Variants in CATSPERB observed in about 807,000 individuals in gnomAD.
CATSPERB encodes the protein cation channel sperm-associated auxiliary subunit beta.
Under a neutral mutation model 128.3 loss-of-function variants are expected in CATSPERB, and 93 were observed. That is an observed-to-expected ratio of 0.72 (90% CI 0.61 to 0.86). The LOEUF (loss-of-function observed/expected upper bound fraction) is 0.86. CATSPERB is among the 40% of genes least tolerant of loss of function. The probability of loss-of-function intolerance (pLI) is 0.00; values close to 1 mark genes in which losing one functional copy is unlikely to be tolerated. For missense variants in CATSPERB, 1,153 were observed against 1,329.5 expected, an observed-to-expected ratio of 0.87 and a Z score of 2.06; for synonymous variants, 381 against 448.8, an observed-to-expected ratio of 0.85 and a Z score of 1.91.
chr14:91,659,708 T>A, intron 15 of CATSPERB, 129 bp downstream of exon 15: 1 of 821,572 alleles, frequency 1.2e-6, no homozygotes, highest in Non-Finnish European at 1.8e-6. Context: ...CTTCTGTAGA[T>A]CCTACAAATC....
chr14:91,591,849 A>C (rs1481227845), intron 23 of CATSPERB, 43 bp downstream of exon 23: 1 of 1,320,794 alleles, frequency 7.6e-7, no homozygotes, highest in Non-Finnish European at 1.1e-6. Context: ...AATCTTGTTA[A>C]TAAGAAAGTA....
intron 5 of CATSPERB, among the ~76,000 whole-genome samples, chr14:91,710,931 T>C (rs1363064963): frequency 6.6e-6 from 1 of 152,220 alleles, no homozygotes; most frequent in Non-Finnish European, 1.5e-5. Context: ...ACCTCATTAT[T>C]GTAGAGTTGA....
At chr14:91,618,842 G>C (rs1403725786) in intron 19 of CATSPERB, among the ~76,000 whole-genome samples, 1 of 152,156 alleles carries the variant, frequency 6.6e-6, no homozygotes, top group East Asian at 1.9e-4. Flanking sequence ...GTGCTTCCTA[G>C]CCTTTACCCG....
intron 6 of CATSPERB, among the ~76,000 whole-genome samples, chr14:91,707,766 CTTTTT>C (rs76649759): frequency 7.8e-6 from 1 of 128,036 alleles, no homozygotes; most frequent in South Asian, 2.5e-4. Context: ...GCCTGGTTAA[CTTTTT>C]TTTTTTTTTT....
intron 10 of CATSPERB, among the ~76,000 whole-genome samples, chr14:91,685,990 GCCA>G (rs1196463280): frequency 6.6e-6 from 1 of 152,116 alleles, no homozygotes; most frequent in Non-Finnish European, 1.5e-5. Context: ...TTTATCTCAT[GCCA>G]AATCCCTAAT....
chr14:91,722,900 T>C (rs1006992927), intron 4 of CATSPERB, 149 bp downstream of exon 4: 1 of 490,396 alleles, frequency 2.0e-6, no homozygotes, highest in Admixed American at 4.3e-5. Context: ...TATGACTGTT[T>C]AAAGCAAAAA....
chr14:91,591,991 T>A lies in CATSPERB; in HGVS notation c.2721A>T (p.Lys907Asn). The A allele has an allele frequency of 6.2e-7, 1 of 1,612,484 alleles. No homozygotes were observed. The highest frequency in any genetic ancestry group is 8.5e-7 in the Non-Finnish European group (1 of 1,178,656). Reference protein sequence around the residue: ...NMFHMSKKTGKFKQCANVSTR... With the variant: ...NMFHMSKKTGNFKQCANVSTR... ...TGGAAACATTAGCACACTGTTTGAA[T>A]TTACCGGTTTTCTGCAAATAGAAGT... The change falls in exon 23 of 27, where the codon AAA (lysine) becomes AAT (asparagine). Residue 907 changes from lysine to asparagine, a missense_variant. Physicochemically the swap from Lys to Asn is moderately conservative, Grantham distance 94. Transcript: ENST00000256343.
intron 18 of CATSPERB, among the ~76,000 whole-genome samples, chr14:91,623,190 C>T (rs931689147): frequency 3.9e-5 from 6 of 152,182 alleles, no homozygotes; most frequent in African/African-American, 1.2e-4. Flanking sequence ...CCACCATACC[C>T]GGCCAGGGTT....
chr14:91,617,937 G>A (rs1893975266), intron 19 of CATSPERB, among the ~76,000 whole-genome samples: 1 of 152,190 alleles, frequency 6.6e-6, no homozygotes, highest in African/African-American at 2.4e-5. Context: ...CAGACCCCAA[G>A]AGAGGGTTCT....
Position 91,680,407 on chromosome 14 carries a change from A to G in CATSPERB, c.931+3470T>C, listed in dbSNP as rs1895260427. Among the ~76,000 whole-genome samples, 3 of 152,228 alleles carry G rather than the reference A, an allele frequency of 2.0e-5. 1 individual carries two copies. In the South Asian group the frequency reaches 6.2e-4, roughly 32 times the overall value. ...GGCACACAGATGCCTAAACAGCTAA[A>G]CAAAATGCTTGTGTTTTGTATAACT... On this transcript the variant is annotated intron_variant, in intron 11 of 26. Transcript: ENST00000256343.
chr14:91,645,949 C>T (rs1488596711), intron 15 of CATSPERB, among the ~76,000 whole-genome samples: 2 of 148,608 alleles, frequency 1.3e-5, no homozygotes, highest in East Asian at 2.0e-4. Context: ...GCGCAATATT[C>T]GGGTGGGAGT....
At chr14:91,710,431 C>G (rs1895818964) in intron 5 of CATSPERB, 1 of 151,988 alleles carries the variant, frequency 6.6e-6, no homozygotes, top group African/African-American at 2.4e-5. Context: ...TTAAGGAGAT[C>G]TAATACTATG....
At chr14:91,728,783 A>G (rs1896161467) in intron 2 of CATSPERB, among the ~76,000 whole-genome samples, 1 of 152,248 alleles carries the variant, frequency 6.6e-6, no homozygotes, top group Admixed American at 6.5e-5. Context: ...ACACAAGTGT[A>G]ACCACCAATG....
intron 19 of CATSPERB, among the ~76,000 whole-genome samples, chr14:91,620,216 G>A (rs945735170): frequency 1.3e-5 from 2 of 152,000 alleles, no homozygotes; most frequent in African/African-American, 4.8e-5. Flanking sequence ...GAAAACTCTG[G>A]TGGACAGAGT....
chr14:91,692,006 G>A (rs1378055271), intron 9 of CATSPERB, among the ~76,000 whole-genome samples: 2 of 151,916 alleles, frequency 1.3e-5, no homozygotes, highest in African/African-American at 2.4e-5. Context: ...GTGAAACTCC[G>A]TTTCTCCTAA....
At chr14:91,662,283 C>T (rs1894900217) in intron 14 of CATSPERB, among the ~76,000 whole-genome samples, 1 of 152,064 alleles carries the variant, frequency 6.6e-6, no homozygotes, top group Non-Finnish European at 1.5e-5. Context: ...CTTATTTTTG[C>T]TCCTTGTAAA....
intron 5 of CATSPERB, among the ~76,000 whole-genome samples, chr14:91,708,657 T>C (rs1351955554): frequency 6.6e-6 from 1 of 151,972 alleles, no homozygotes; most frequent in Non-Finnish European, 1.5e-5. Flanking sequence ...AGAAAAGAAT[T>C]AATATGAATG....
chr14:91,617,570 AT>A, intron 20 of CATSPERB, 26 bp downstream of exon 20: 1 of 1,552,998 alleles, frequency 6.4e-7, no homozygotes, highest in Non-Finnish European at 8.6e-7. Context: ...TCAGTAAGAA[AT>A]GTTTTGTAAA....
In CATSPERB at chr14:91,723,204, G is replaced by A. The variant is rs879186979; in HGVS notation, c.169-15C>T. ...CACTGGATTTTCTTTAGGAAAGCAA[G>A]AAAAAAAAAAACAACTAATAACCAC... On this transcript the variant is annotated splice_polypyrimidine_tract_variant and intron_variant, in intron 3 of 26. Transcript: ENST00000256343. 486 of 1,283,328 alleles carry A rather than the reference G, an allele frequency of 3.8e-4. No individual in the cohort carries two copies. The highest frequency in any genetic ancestry group is 1.0e-3 in the South Asian group (56 of 53,698). The allele number at this position is 1,283,328 out of a possible 1,614,324, so 79.5% of individuals were successfully genotyped here.
Sources: allele counts gnomAD v4.1 joint callset (sites outside exome capture counted in the v4.1 genomes callset), GRCh38; gene constraint gnomAD v4.1.1; transcripts MANE v1.5; gene names NCBI Gene and HGNC (gene_info 2026-07-23, HGNC 2026-07-21).